The following PTPRN2 variants were observed in gnomAD, a reference collection of about 807,000 sequenced individuals.
The protein encoded by PTPRN2 is protein tyrosine phosphatase receptor type N2, also known as receptor-type tyrosine-protein phosphatase N2.
PTPRN2 carries 74 observed loss-of-function variants against 118.8 expected under a neutral mutation model. The ratio of observed to expected loss-of-function variants is 0.62; its 90% confidence interval spans 0.52 to 0.76. The LOEUF is 0.76. PTPRN2 is among the 30% of genes least tolerant of loss of function. The pLI, the probability that PTPRN2 is intolerant of heterozygous loss-of-function variation, is 0.00. For synonymous variants in PTPRN2, 641 were observed against 608.0 expected (o/e 1.05, Z -0.80); for missense variants, 1,481 against 1,394.4 (o/e 1.06, Z -0.99).
At chr7:157,885,768 T>G (rs1314914001) in intron 12 of PTPRN2, among the ~76,000 whole-genome samples, 3 of 152,250 alleles carry the variant, frequency 2.0e-5, no homozygotes, top group East Asian at 3.8e-4. Context: ...TAATTTGATG[T>G]GGGGCTCAGT....
At chr7:158,392,037 G>A (rs1247840749) in intron 2 of PTPRN2, among the ~76,000 whole-genome samples, 1 of 152,218 alleles carries the variant, frequency 6.6e-6, no homozygotes, top group Non-Finnish European at 1.5e-5. Context: ...CTGGGCTGGT[G>A]CGGGGGGAGT....
intron 2 of PTPRN2, among the ~76,000 whole-genome samples, chr7:158,407,473 CGTCCTGG>C (rs1443720274): frequency 0.011 from 217 of 19,334 alleles, 12 homozygotes; most frequent in Admixed American, 0.018. Flanking sequence ...CTGCGTCCTG[CGTCCTGG>C]GTCCTGGGTC....
rs185047359 is a variant in PTPRN2, at chr7:158,239,914, T to C, written c.278-34641A>G. ...AGCAGGTGGATGAAGGGAACGTAGA[T>C]GACACGTTGAGGGTGTGGTGCGGGC... On this transcript the variant is annotated intron_variant, in intron 3 of 22. Transcript: ENST00000389418. Among the ~76,000 whole-genome samples the C allele has an allele frequency of 5.3e-3, 813 of 152,258 alleles. 6 individuals are homozygous for C. Among genetic ancestry groups the C allele is most frequent in the African/African-American group, 0.019 (771 of 41,546 alleles).
At chr7:157,778,227 C>A (rs73521460) in intron 12 of PTPRN2, among the ~76,000 whole-genome samples, 1,980 of 152,238 alleles carry the variant, frequency 0.013, 38 homozygotes, top group African/African-American at 0.045. Context: ...AGGCTGACGA[C>A]TAAACATGTC....
chr7:158,200,780 A>C (rs73173701), intron 4 of PTPRN2, among the ~76,000 whole-genome samples: 26,547 of 152,154 alleles, frequency 0.17, 2,562 homozygotes, highest in Non-Finnish European at 0.23. Flanking sequence ...GAAAAAGTAG[A>C]AAAGCCTACC....
chr7:158,257,770 CTGA>C (rs1797127117), intron 3 of PTPRN2, among the ~76,000 whole-genome samples: 1 of 152,362 alleles, frequency 6.6e-6, no homozygotes, highest in African/African-American at 2.4e-5. Flanking sequence ...TGGAACTGCC[CTGA>C]TGATGAGAAT....
At chr7:158,487,015 G>C (rs1423644861) in intron 2 of PTPRN2, among the ~76,000 whole-genome samples, 1 of 152,152 alleles carries the variant, frequency 6.6e-6, no homozygotes. Context: ...CACATGCGTG[G>C]AATCATTCAG....
At chr7:157,790,322 G>A (rs1186969453) in intron 12 of PTPRN2, among the ~76,000 whole-genome samples, 1 of 151,504 alleles carries the variant, frequency 6.6e-6, no homozygotes, top group Non-Finnish European at 1.5e-5. Context: ...TGTGTGGTGC[G>A]GGGGTGGCAG....
At chr7:158,247,990 T>TC (rs1474995459) in intron 3 of PTPRN2, among the ~76,000 whole-genome samples, 5 of 151,950 alleles carry the variant, frequency 3.3e-5, no homozygotes, top group Non-Finnish European at 7.4e-5. Context: ...GAGGCCTTTA[T>TC]CCCCCCATTA....
chr7:158,502,899 G>A (rs374672754), intron 1 of PTPRN2, among the ~76,000 whole-genome samples: 2,613 of 94,588 alleles, frequency 0.028, no homozygotes, highest in East Asian at 0.064. Context: ...CAGCCACTGT[G>A]TCCATCAGCC....
intron 6 of PTPRN2, among the ~76,000 whole-genome samples, chr7:158,155,724 CCATCACCAT>C (rs1295847474): frequency 0.19 from 18,821 of 96,820 alleles, 1,970 homozygotes; most frequent in African/African-American, 0.4. Context: ...ACCATCATCA[CCATCACCAT>C]CATCACCATC....
intron 11 of PTPRN2, among the ~76,000 whole-genome samples, chr7:158,071,768 GAT>G (rs1811842727): frequency 7.4e-6 from 1 of 134,650 alleles, no homozygotes; most frequent in African/African-American, 3.1e-5. Flanking sequence ...TGCTCGTGGT[GAT>G]GGAGGTGCTT....
In PTPRN2 at chr7:158,574,369, ATTT is replaced by A. The variant is rs1349358606; in HGVS notation, c.112+13186_112+13188del. On this transcript the variant is annotated intron_variant, in intron 1 of 22. Coordinates refer to ENST00000389418, the MANE Select transcript of PTPRN2 (RefSeq NM_002847.5). The surrounding 1 kb of genome is among the most constrained non-coding windows in gnomAD (Gnocchi z 4.6). ...TCTCATTCTCTTAAATTTGTTTTGA[ATTT>A]TTTATTATAAACATACAATGAGTTC... Among the ~76,000 whole-genome samples, 1 of 152,178 alleles carries A rather than the reference ATTT, an allele frequency of 6.6e-6. No homozygotes were observed. Among genetic ancestry groups the A allele is most frequent in the African/African-American group, 2.4e-5 (1 of 41,448 alleles).
At chr7:158,343,999 A>C (rs1342692747) in intron 2 of PTPRN2, among the ~76,000 whole-genome samples, 2 of 152,158 alleles carry the variant, frequency 1.3e-5, no homozygotes, top group African/African-American at 2.4e-5. Context: ...CCACACCCCA[A>C]GATAAGACCC....
intron 8 of PTPRN2, among the ~76,000 whole-genome samples, chr7:158,135,283 C>T (rs893890195): frequency 2.6e-5 from 4 of 152,126 alleles, no homozygotes; most frequent in Non-Finnish European, 4.4e-5. Flanking sequence ...ACAACTTTTC[C>T]TTTTGTATTT....
intron 12 of PTPRN2, among the ~76,000 whole-genome samples, chr7:157,816,050 G>T (rs1013668470): frequency 1.3e-5 from 2 of 152,182 alleles, no homozygotes; most frequent in Non-Finnish European, 2.9e-5. Flanking sequence ...CCTCTCGCTG[G>T]TGTACATGTG....
chr7:158,262,556 A>T (rs1317568508), intron 3 of PTPRN2, among the ~76,000 whole-genome samples: 1 of 149,372 alleles, frequency 6.7e-6, no homozygotes, highest in East Asian at 2.0e-4. Flanking sequence ...CACACTGCAC[A>T]CACTACACAC....
intron 5 of PTPRN2, among the ~76,000 whole-genome samples, chr7:158,171,310 T>TACATATATATATATATATACATAC (rs1343884902): frequency 1.5e-5 from 1 of 67,668 alleles, no homozygotes; most frequent in African/African-American, 7.9e-5. Flanking sequence ...TATACACACA[T>TACATATATATATATATATACATAC]ATATATATAT....
At chr7:158,336,548 C>T (rs1157006674) in intron 2 of PTPRN2, among the ~76,000 whole-genome samples, 1 of 144,830 alleles carries the variant, frequency 6.9e-6, no homozygotes, top group African/African-American at 2.6e-5. Flanking sequence ...GCCGACGTCA[C>T]TCACACCCAC....
Sources: gnomAD v4.1 joint callset for allele counts (sites outside exome capture counted in the v4.1 genomes callset) on GRCh38, gnomAD v4.1.1 for gene constraint, Gnocchi (gnomAD v3.1) non-coding constraint, MANE v1.5 for transcripts, NCBI Gene and HGNC (gene_info 2026-07-23, HGNC 2026-07-21) for gene names.